Variants in RASGRP1 observed in about 807,000 individuals in gnomAD.
RASGRP1 encodes RAS guanyl releasing protein 1, also known as RAS guanyl-releasing protein 1.
In RASGRP1, 37 loss-of-function variants were observed where a neutral mutation model predicts 95.1. That is an observed-to-expected ratio of 0.39 (90% confidence interval 0.30 to 0.51). The LOEUF (loss-of-function observed/expected upper bound fraction) is 0.51, where lower values mean the gene tolerates loss of function less well. Among genes scored for constraint, RASGRP1 ranks in the 20% least tolerant of loss-of-function variants. RASGRP1 has a pLI of 0.80. For missense variants in RASGRP1, 711 were observed against 965.4 expected, an observed-to-expected ratio of 0.74 and a Z score of 3.49; for synonymous variants, 325 against 353.4, an observed-to-expected ratio of 0.92 and a Z score of 0.90.
At chr15:38,517,020 G>A (rs940501225) in intron 5 of RASGRP1, among the ~76,000 whole-genome samples, 8 of 152,026 alleles carry the variant, frequency 5.3e-5, no homozygotes, top group Admixed American at 3.3e-4. Context: ...AAAGGGAAGC[G>A]GCCCCATTTT....
intron 8 of RASGRP1, among the ~76,000 whole-genome samples, chr15:38,509,564 TA>T (rs573859712): frequency 2.7e-3 from 415 of 152,224 alleles, no homozygotes; most frequent in African/African-American, 9.6e-3. Flanking sequence ...CCGTCTCTAC[TA>T]AAAATACAAA....
intron 8 of RASGRP1, among the ~76,000 whole-genome samples, chr15:38,509,013 C>T (rs1002209846): frequency 6.6e-5 from 10 of 152,236 alleles, no homozygotes; most frequent in African/African-American, 2.4e-4. Context: ...TTCCCACCCA[C>T]AAATGTAATG....
At chr15:38,526,085 C>A (rs1039913380) in intron 3 of RASGRP1, among the ~76,000 whole-genome samples, 2 of 152,088 alleles carry the variant, frequency 1.3e-5, no homozygotes, top group Non-Finnish European at 2.9e-5. Flanking sequence ...TGACCACCCC[C>A]CAGAGCAATC....
intron 2 of RASGRP1, among the ~76,000 whole-genome samples, chr15:38,539,765 C>T (rs1474905963): frequency 3.3e-5 from 5 of 152,030 alleles, no homozygotes; most frequent in Non-Finnish European, 7.4e-5. Flanking sequence ...TGTTCCCCTT[C>T]CTGTGTCCAT....
chr15:38,540,490 G>A (rs1311475571), intron 2 of RASGRP1, among the ~76,000 whole-genome samples: 1 of 152,186 alleles, frequency 6.6e-6, no homozygotes, highest in Admixed American at 6.5e-5. Flanking sequence ...TGTATCCCCA[G>A]GATCTGCAGA....
intron 8 of RASGRP1, among the ~76,000 whole-genome samples, 191 bp from the exon 9 acceptor site, chr15:38,508,192 G>T (rs1471661012): frequency 6.6e-6 from 1 of 152,090 alleles, no homozygotes; most frequent in Admixed American, 6.6e-5. Context: ...AAATATCACA[G>T]AATATATTTA....
intron 2 of RASGRP1, among the ~76,000 whole-genome samples, chr15:38,535,342 C>A (rs1326402946): frequency 6.6e-6 from 1 of 152,170 alleles, no homozygotes; most frequent in African/African-American, 2.4e-5. Context: ...CTCACCCACA[C>A]CTCTATTCTT....
At chr15:38,534,549 T>C (rs2141154635) in intron 2 of RASGRP1, 1 of 152,346 alleles carries the variant, frequency 6.6e-6, no homozygotes, top group South Asian at 2.1e-4. Context: ...AGCTTTAAAT[T>C]AACCCTGACC....
At chr15:38,538,410 G>A (rs943657143) in intron 2 of RASGRP1, among the ~76,000 whole-genome samples, 7 of 152,208 alleles carry the variant, frequency 4.6e-5, no homozygotes, top group African/African-American at 1.7e-4. Flanking sequence ...GGGAGACCAG[G>A]AGAAATATTT....
At chr15:38,558,633 C>A (rs1327659346) in intron 2 of RASGRP1, among the ~76,000 whole-genome samples, 1 of 152,116 alleles carries the variant, frequency 6.6e-6, no homozygotes, top group Non-Finnish European at 1.5e-5. Flanking sequence ...GCAATGTGTG[C>A]TAAAAAACAA....
chr15:38,564,694 C>A lies in RASGRP1; in HGVS notation c.-66G>T, dbSNP rs1893964945. ...GCCGGGCGCGGCGCATCGCCCCCGC[C>A]ACCACCGCCGCCGCCTGCCGGCTCT... is the stretch of plus-strand genomic sequence containing the variant. On this transcript the variant is annotated 5_prime_UTR_variant, in exon 1 of 17. Transcript: ENST00000310803. 8.5e-7 allele frequency: 1 copy of A among 1,182,584 alleles called. No individual in the cohort carries two copies. Among genetic ancestry groups the A allele is most frequent in the East Asian group, 3.7e-5 (1 of 27,352 alleles). The allele number at this position is 1,182,584 out of a possible 1,614,324, so 73.3% of individuals were successfully genotyped here. A position where few individuals can be genotyped will look rare whatever the true frequency, so the allele number is the denominator to read the frequency against.
intron 16 of RASGRP1, among the ~76,000 whole-genome samples, chr15:38,492,874 C>G (rs1222553906): frequency 1.3e-5 from 2 of 151,592 alleles, no homozygotes; most frequent in Non-Finnish European, 2.9e-5. Flanking sequence ...TCTCCTACTC[C>G]TCCCCACCCG....
chr15:38,502,088 C>T (rs1021107288), intron 12 of RASGRP1, among the ~76,000 whole-genome samples: 8 of 152,182 alleles, frequency 5.3e-5, no homozygotes, highest in Middle Eastern at 3.2e-3. Flanking sequence ...CTCCTGAGCT[C>T]AGGTGATCTG....
rs1054886114 is a variant in RASGRP1 at position 38,503,241 on chromosome 15, G to A, written c.1428+31C>T. On this transcript the variant is annotated intron_variant, in intron 11 of 16. Coordinates refer to ENST00000310803, the MANE Select transcript of RASGRP1 (RefSeq NM_005739.4). ...ACAAAACTGAGCCAGGCAATGCCTA[G>A]TTTTTGTGTGCTGAACACAGCTGTA... 3.9e-6 allele frequency: 6 copies of A among 1,540,658 alleles called. No homozygotes were observed. The African/African-American group carries it at 6.8e-5, about 17-fold the overall frequency.
chr15:38,505,947 A>G (rs1401412902), intron 9 of RASGRP1, 27 bp from the exon 10 acceptor site: 3 of 1,545,134 alleles, frequency 1.9e-6, no homozygotes, highest in Non-Finnish European at 8.9e-7. Context: ...AACAGGGTTC[A>G]TTGCTAAGAT....
rs1890775388 is a variant in RASGRP1 at position 38,495,849 on chromosome 15, G to GTA, written c.1874-1083_1874-1082insTA. 2.6e-5 allele frequency among the ~76,000 whole-genome samples: 4 copies of GTA among 151,960 alleles called. No individual in the cohort carries two copies. The South Asian group carries it at 6.2e-4, about 24-fold the overall frequency. ...CATTTTCCAACTTTTCTGTAATACA[G>GTA]TTATACATTCTTTTTACCAACCTAG... On this transcript the variant is annotated intron_variant, in intron 15 of 16. Coordinates refer to ENST00000310803, the MANE Select transcript of RASGRP1 (RefSeq NM_005739.4).
At chr15:38,508,210 A>G (rs1001135452) in intron 8 of RASGRP1, among the ~76,000 whole-genome samples, 7 of 152,216 alleles carry the variant, frequency 4.6e-5, no homozygotes, top group African/African-American at 1.7e-4. Context: ...TTATAAACAC[A>G]AGATATGCTT....
At chr15:38,500,776 T>C (rs1045310131) in intron 13 of RASGRP1, among the ~76,000 whole-genome samples, 3 of 152,044 alleles carry the variant, frequency 2.0e-5, no homozygotes, top group African/African-American at 7.2e-5. Context: ...GGGGAAACGA[T>C]TGGTCAGGAG....
At position 38,559,988 on chromosome 15, in the gene RASGRP1, C is replaced by T. The variant is rs774411490; in HGVS notation, c.53G>A (p.Cys18Tyr). Reference protein sequence around the residue: ...REAPRKPSHGCRAASKARLEA... With the variant: ...REAPRKPSHGYRAASKARLEA... ...TAGTCTTGCTTTAGAGGCAGCTCTG[C>T]AGCCATGGGAAGGTTTCCTGGGGAA... The change falls in exon 2 of 17, where the codon TGC becomes TAC. Residue 18 changes from cysteine (C) to tyrosine (Y), a missense_variant. By Grantham distance (194) the Cys-to-Tyr change is radical. Transcript: ENST00000310803. The T allele has an allele frequency of 6.2e-7, 1 of 1,612,072 alleles. No homozygotes were observed. The highest frequency in any genetic ancestry group is 8.5e-7 in the Non-Finnish European group (1 of 1,179,092).
Sources: allele counts gnomAD v4.1 joint callset (sites outside exome capture counted in the v4.1 genomes callset), GRCh38; gene constraint gnomAD v4.1.1; transcripts MANE v1.5; gene names NCBI Gene and HGNC (gene_info 2026-07-23, HGNC 2026-07-21).